Variants in NR3C2 observed in about 807,000 individuals in gnomAD.
NR3C2 encodes the protein mineralocorticoid receptor.
NR3C2 carries 15 observed loss-of-function variants against 86.4 expected under a neutral mutation model. That is an observed-to-expected ratio of 0.17 (90% CI 0.12 to 0.27). The LOEUF (loss-of-function observed/expected upper bound fraction) is 0.27, where lower values mean the gene tolerates loss of function less well. Ranked by LOEUF, NR3C2 falls within the 10% of genes least tolerant of loss-of-function variation. The pLI is 1.00. For synonymous variants in NR3C2, 458 were observed against 450.5 expected, an observed-to-expected ratio of 1.02 and a Z score of -0.21; for missense variants, 960 against 1,195.6, an observed-to-expected ratio of 0.80 and a Z score of 2.91.
At chr4:148,287,548 C>A (rs886911737) in intron 2 of NR3C2, among the ~76,000 whole-genome samples, 2 of 152,164 alleles carry the variant, frequency 1.3e-5, no homozygotes, top group African/African-American at 4.8e-5. Flanking sequence ...GAATTGCCAA[C>A]TTAAACTGTC....
chr4:148,341,056 CAT>C (rs1744723035), intron 2 of NR3C2, among the ~76,000 whole-genome samples: 1 of 152,048 alleles, frequency 6.6e-6, no homozygotes, highest in South Asian at 2.1e-4. Context: ...CTATGGAAAA[CAT>C]ATGGAGACTC....
chr4:148,352,990 A>T (rs931327765), intron 2 of NR3C2, among the ~76,000 whole-genome samples: 3 of 152,194 alleles, frequency 2.0e-5, no homozygotes, highest in African/African-American at 7.2e-5. Flanking sequence ...GACAAGGCAG[A>T]TCTTATTTTA....
upstream of NR3C2, among the ~76,000 whole-genome samples, chr4:148,445,302 G>C (rs979588375): frequency 4.0e-5 from 6 of 151,634 alleles, no homozygotes; most frequent in Non-Finnish European, 5.9e-5. Flanking sequence ...CCTGCTCCTC[G>C]GCTGCCCACC....
At chr4:148,124,101 G>T (rs1268187271) in intron 6 of NR3C2, among the ~76,000 whole-genome samples, 1 of 152,206 alleles carries the variant, frequency 6.6e-6, no homozygotes, top group African/African-American at 2.4e-5. Context: ...AGTTGGGCAT[G>T]ATGGCAGGTG....
intron 2 of NR3C2, among the ~76,000 whole-genome samples, chr4:148,330,848 T>G (rs1458295052): frequency 2.6e-5 from 4 of 152,172 alleles, no homozygotes; most frequent in African/African-American, 9.7e-5. Context: ...ATAGTCCACA[T>G]GAGATCTGGT....
chr4:148,239,206 T>C (rs1237570722), intron 3 of NR3C2, among the ~76,000 whole-genome samples: 1 of 152,236 alleles, frequency 6.6e-6, no homozygotes, highest in East Asian at 1.9e-4. Flanking sequence ...TTTGTCTCCC[T>C]GATACCTGTC....
chr4:148,178,971 CAAAGAG>C (rs1436446807), intron 4 of NR3C2, among the ~76,000 whole-genome samples: 2 of 135,878 alleles, frequency 1.5e-5, no homozygotes, highest in East Asian at 2.2e-4. Context: ...CAAAACAAAA[CAAAGAG>C]AAAGTCCTAG....
intron 2 of NR3C2, among the ~76,000 whole-genome samples, chr4:148,297,812 C>A (rs1250140269): frequency 6.6e-6 from 1 of 151,846 alleles, no homozygotes; most frequent in South Asian, 2.1e-4. Context: ...TTGCTTGAAC[C>A]TGGGAGGCGG....
chr4:148,184,294 CAA>C lies in NR3C2; in HGVS notation c.2014+10450_2014+10451del, dbSNP rs35947630. On this transcript the variant is annotated intron_variant, in intron 4 of 8. Transcript: ENST00000358102. ...TGAAACCCCAACTCTACTAAAAATACAAAAAAAAAAAAAAATTAGCTTGGTGT... is the reference window on the plus strand; with the variant it reads ...TGAAACCCCAACTCTACTAAAAATACAAAAAAAAAAAAATTAGCTTGGTGT... 1.5e-3 allele frequency among the ~76,000 whole-genome samples: 212 copies of C among 141,184 alleles called. 1 individual carries two copies. The highest frequency in any genetic ancestry group is 2.0e-3 in the Admixed American group (28 of 14,110). 92.6% of individuals were successfully genotyped at this position (141,184 alleles called of 152,430 possible).
At chr4:148,305,099 G>A in intron 2 of NR3C2, among the ~76,000 whole-genome samples, 1 of 151,912 alleles carries the variant, frequency 6.6e-6, no homozygotes, top group Admixed American at 6.6e-5. Flanking sequence ...TTAATCATTT[G>A]CAAAATAATA....
chr4:148,444,528 T>C (rs1192204150), upstream of NR3C2: 9 of 986,674 alleles, frequency 9.1e-6, no homozygotes, highest in Non-Finnish European at 8.4e-6. Flanking sequence ...GCACTCACCT[T>C]TTCTAGGACA....
chr4:148,397,914 C>T (rs552838739), intron 2 of NR3C2, among the ~76,000 whole-genome samples: 1 of 152,278 alleles, frequency 6.6e-6, no homozygotes, highest in South Asian at 2.1e-4. Flanking sequence ...GTTCTGGAGG[C>T]CAGAAGTTCA....
intron 2 of NR3C2, among the ~76,000 whole-genome samples, chr4:148,267,782 A>G (rs1410695365): frequency 6.6e-6 from 1 of 152,184 alleles, no homozygotes; most frequent in Non-Finnish European, 1.5e-5. Flanking sequence ...GGATTTGGAA[A>G]CCACCAATAT....
chr4:148,118,521 C>T (rs1732372094), intron 7 of NR3C2, among the ~76,000 whole-genome samples: 1 of 152,182 alleles, frequency 6.6e-6, no homozygotes, highest in African/African-American at 2.4e-5. Flanking sequence ...CCCCACTCAC[C>T]ATTGGAATTA....
At chr4:148,261,039 G>C (rs147490695) in intron 2 of NR3C2, among the ~76,000 whole-genome samples, 2 of 152,152 alleles carry the variant, frequency 1.3e-5, no homozygotes, top group Admixed American at 1.3e-4. Context: ...TTTACCTGCA[G>C]ATCCTGTGCA....
intron 2 of NR3C2, among the ~76,000 whole-genome samples, chr4:148,263,674 T>A (rs1330521595): frequency 4.6e-5 from 7 of 152,220 alleles, no homozygotes; most frequent in Non-Finnish European, 7.3e-5. Context: ...CTAATCATAA[T>A]GCTTAACCTT....
intron 2 of NR3C2, among the ~76,000 whole-genome samples, chr4:148,384,338 C>G (rs1747157516): frequency 1.3e-5 from 2 of 151,904 alleles, no homozygotes; most frequent in African/African-American, 4.8e-5. Flanking sequence ...CAGTATAAAT[C>G]TTATTTATTT....
At chr4:148,135,679 G>C (rs1321348178) in intron 6 of NR3C2, among the ~76,000 whole-genome samples, 1 of 126,812 alleles carries the variant, frequency 7.9e-6, no homozygotes, top group Non-Finnish European at 1.6e-5. Context: ...GACCAAGACT[G>C]ATGGAGCTGC....
At chr4:148,439,434 T>C (rs1225676666) in intron 1 of NR3C2, among the ~76,000 whole-genome samples, 1 of 152,122 alleles carries the variant, frequency 6.6e-6, no homozygotes, top group Non-Finnish European at 1.5e-5. Flanking sequence ...CACCACCATC[T>C]AACCAGATGC....
Sources: allele counts gnomAD v4.1 joint callset (sites outside exome capture counted in the v4.1 genomes callset), GRCh38; gene constraint gnomAD v4.1.1; transcripts MANE v1.5; gene names NCBI Gene and HGNC (gene_info 2026-07-23, HGNC 2026-07-21).